The following LRCH1 variants were observed in gnomAD, a reference collection of about 807,000 sequenced individuals.
LRCH1 encodes the protein leucine-rich repeat and calponin homology domain-containing protein 1.
A neutral mutation model predicts 94.9 loss-of-function variants in LRCH1; 23 were observed. The ratio of observed to expected loss-of-function variants is 0.24; its 90% CI spans 0.17 to 0.34. LRCH1 has a LOEUF of 0.34. Among genes scored for constraint, LRCH1 ranks in the 10% least tolerant of loss-of-function variants. LRCH1 has a pLI of 1.00. For synonymous variants in LRCH1, 364 were observed against 354.9 expected, an observed-to-expected ratio of 1.03 and a Z score of -0.29; for missense variants, 790 against 945.9, an observed-to-expected ratio of 0.84 and a Z score of 2.16.
intron 1 of LRCH1, among the ~76,000 whole-genome samples, chr13:46,570,405 A>C (rs537384065): frequency 6.6e-6 from 1 of 152,318 alleles, no homozygotes; most frequent in East Asian, 1.9e-4. Flanking sequence ...TCAGATCTCC[A>C]AAAAAATTGA....
chr13:46,749,176 A>C (rs913952305), downstream of LRCH1, among the ~76,000 whole-genome samples: 5 of 152,172 alleles, frequency 3.3e-5, no homozygotes, highest in African/African-American at 1.2e-4. Context: ...ATCCCACTTA[A>C]ACTCTCCTTC....
intron 1 of LRCH1, among the ~76,000 whole-genome samples, chr13:46,598,158 A>G (rs180698022): frequency 2.0e-5 from 3 of 152,300 alleles, no homozygotes; most frequent in Admixed American, 6.5e-5. Flanking sequence ...GCGGGCACCC[A>G]ATAAAATGAC....
chr13:46,711,008 C>T (rs1461576216), intron 13 of LRCH1, among the ~76,000 whole-genome samples: 8 of 152,136 alleles, frequency 5.3e-5, no homozygotes, highest in Admixed American at 2.6e-4. Context: ...CTCATGGACT[C>T]AGGCACCCCA....
chr13:46,585,539 C>T (rs944683354), intron 1 of LRCH1, among the ~76,000 whole-genome samples: 2 of 132,310 alleles, frequency 1.5e-5, no homozygotes, highest in South Asian at 2.3e-4. Context: ...GGCGACAGAG[C>T]GAGACTGCAT....
In LRCH1 at chr13:46,723,221, T is replaced by A; in HGVS notation, c.1760T>A (p.Val587Glu). 6.3e-7 allele frequency: 1 copy of A among 1,591,718 alleles called. No individual in the cohort carries two copies. The highest frequency in any genetic ancestry group is 8.6e-7 in the Non-Finnish European group (1 of 1,161,136). Residue 587 changes from valine (V) to glutamate (E), a missense_variant and splice_region_variant, in exon 17 of 20, where the codon GTG (valine) becomes GAG (glutamate). Physicochemically the swap from Val to Glu is moderately radical, Grantham distance 121 (BLOSUM62 -2). Coordinates refer to ENST00000389797, the MANE Select transcript of LRCH1 (RefSeq NM_001164211.2). ...SVPSEGDSDN[V>E]FLRPQRNLES... ...GCTTTTTTTCCCCTTTGTATTGTAG[T>A]GTTTCTAAGACCTCAGAGAAATTTG... is the stretch of plus-strand genomic sequence containing the variant.
chr13:46,722,711 A>G (rs1872640298), intron 16 of LRCH1, among the ~76,000 whole-genome samples: 1 of 152,238 alleles, frequency 6.6e-6, no homozygotes, highest in Non-Finnish European at 1.5e-5. Context: ...AGAAGGCAGA[A>G]TGTTTCCACC....
chr13:46,748,369 T>C (rs1403302433), downstream of LRCH1, among the ~76,000 whole-genome samples: 3 of 152,116 alleles, frequency 2.0e-5, no homozygotes, highest in African/African-American at 7.2e-5. Flanking sequence ...CCAAGTAATA[T>C]CTGGCACCAG....
chr13:46,720,256 G>A (rs1469771013), intron 16 of LRCH1, among the ~76,000 whole-genome samples: 1 of 151,952 alleles, frequency 6.6e-6, no homozygotes, highest in Non-Finnish European at 1.5e-5. Flanking sequence ...GCATGGTGGT[G>A]CAGGCCTGTG....
intron 17 of LRCH1, among the ~76,000 whole-genome samples, chr13:46,726,893 A>G (rs1446418979): frequency 6.8e-6 from 1 of 146,046 alleles, no homozygotes; most frequent in African/African-American, 2.5e-5. Context: ...AAAGGCAACT[A>G]AAACAGAGAT....
chr13:46,615,893 A>G (rs2050802219), intron 1 of LRCH1, among the ~76,000 whole-genome samples: 1 of 152,184 alleles, frequency 6.6e-6, no homozygotes, highest in African/African-American at 2.4e-5. Flanking sequence ...AAGAGAAGCC[A>G]CCAGATGTCG....
Position 46,698,975 on chromosome 13 carries a change from T to C in LRCH1, c.1246-361T>C, listed in dbSNP as rs539773713. ...TCCCTCGTTCCTTCCCGGCAGCCCC[T>C]GGCAGCAAGCATTCTGCTTTCTGTC... On this transcript the variant is annotated intron_variant, in intron 9 of 19. Transcript: ENST00000389797. Among the ~76,000 whole-genome samples the C allele has an allele frequency of 3.9e-4, 60 of 152,362 alleles. 1 individual carries two copies. The highest frequency in any genetic ancestry group is 1.4e-3 in the African/African-American group (58 of 41,582).
At chr13:46,607,158 G>A (rs927149098) in intron 1 of LRCH1, among the ~76,000 whole-genome samples, 1 of 152,194 alleles carries the variant, frequency 6.6e-6, no homozygotes, top group Admixed American at 6.5e-5. Context: ...TAAGGAGGTG[G>A]CTCAGCTAGA....
intron 18 of LRCH1, chr13:46,750,465 A>G: frequency 9.4e-7 from 1 of 1,068,378 alleles, no homozygotes; most frequent in Non-Finnish European, 1.4e-6. Flanking sequence ...CTTTGATGTC[A>G]TCAACGATGT....
rs11618677 is a variant in LRCH1, at chr13:46,575,499, T to C, written c.307+21796T>C. Reference sequence around the variant, plus strand: ...ATTGCTCTGCAGCATAACTGAAAAATCTGTGCATGAATGTGTGTGTGTGTG... The same window carrying C: ...ATTGCTCTGCAGCATAACTGAAAAACCTGTGCATGAATGTGTGTGTGTGTG... On this transcript the variant is annotated intron_variant, in intron 1 of 19. Coordinates refer to ENST00000389797, the MANE Select transcript of LRCH1 (RefSeq NM_001164211.2). 4.4e-3 allele frequency among the ~76,000 whole-genome samples: 586 copies of C among 134,090 alleles called. 1 individual carries two copies. The highest frequency in any genetic ancestry group is 6.8e-3 in the Non-Finnish European group (425 of 62,556). The allele number at this position is 134,090 out of a possible 152,430, so 88.0% of individuals were successfully genotyped here.
intron 4 of LRCH1, among the ~76,000 whole-genome samples, chr13:46,684,076 G>A (rs184603539): frequency 2.6e-5 from 4 of 152,252 alleles, no homozygotes; most frequent in Admixed American, 2.6e-4. Context: ...TATCAGTTTT[G>A]TGGTGGTTTT....
rs762405873 is a variant in LRCH1, at chr13:46,608,714, T to G, written c.308-41487T>G. On this transcript the variant is annotated intron_variant, in intron 1 of 19. Transcript: ENST00000389797. The stretch of plus-strand genomic sequence containing the variant: ...TGAAATTTAGTTACTTTTGCTCGTC[T>G]CTTGCTAAAAGAGTTAATAATGTGC... 5.3e-4 allele frequency among the ~76,000 whole-genome samples: 81 copies of G among 152,356 alleles called. 1 individual carries two copies. The highest frequency in any genetic ancestry group is 6.2e-4 in the Non-Finnish European group (42 of 68,040).
chr13:46,590,213 T>A (rs1001118285), intron 1 of LRCH1, among the ~76,000 whole-genome samples: 2 of 152,190 alleles, frequency 1.3e-5, no homozygotes, highest in African/African-American at 4.8e-5. Flanking sequence ...CTTGTCAACT[T>A]CTGATTAGAG....
intron 9 of LRCH1, among the ~76,000 whole-genome samples, chr13:46,698,231 T>C (rs1252420076): frequency 1.3e-5 from 2 of 152,240 alleles, no homozygotes; most frequent in East Asian, 1.9e-4. Flanking sequence ...TAGCTAATGA[T>C]ATGCCAGAAC....
chr13:46,738,702 T>A (rs748537838), intron 19 of LRCH1, among the ~76,000 whole-genome samples: 4 of 152,226 alleles, frequency 2.6e-5, no homozygotes, highest in Non-Finnish European at 5.9e-5. Flanking sequence ...ATTACAAGAT[T>A]TATTTTAATT....
Sources: allele counts gnomAD v4.1 joint callset (sites outside exome capture counted in the v4.1 genomes callset), GRCh38; gene constraint gnomAD v4.1.1; transcripts MANE v1.5; gene names NCBI Gene and HGNC (gene_info 2026-07-23, HGNC 2026-07-21).